The following ACSM3 variants were observed in gnomAD, a reference collection of about 807,000 sequenced individuals.
The protein encoded by ACSM3 is acyl-CoA synthetase medium chain family member 3.
A neutral mutation model predicts 74.1 loss-of-function variants in ACSM3; 61 were observed. The observed-to-expected ratio is 0.82, with a 90% CI of 0.67 to 1.02. The LOEUF (loss-of-function observed/expected upper bound fraction) is 1.02, where lower values mean the gene tolerates loss of function less well. Among genes scored for constraint, ACSM3 ranks in the 50% least tolerant of loss-of-function variants. The pLI is 0.00. For synonymous variants in ACSM3, 213 were observed against 241.5 expected (o/e 0.88, Z 1.09); for missense variants, 660 against 697.0 (o/e 0.95, Z 0.60).
chr16:20,696,742 C>G (rs2079691904), intron 1 of ACSM3, among the ~76,000 whole-genome samples: 1 of 152,222 alleles, frequency 6.6e-6, no homozygotes, highest in Non-Finnish European at 1.5e-5. Context: ...TTCCCAGATA[C>G]ATAGTGCCTT....
rs144068903 is a variant in ACSM3, at chr16:20,765,304, G to A, written c.-52+1179G>A. 1.4e-3 allele frequency among the ~76,000 whole-genome samples: 206 copies of A among 152,282 alleles called. 1 individual carries two copies. Among genetic ancestry groups the A allele is most frequent in the African/African-American group, 4.7e-3 (197 of 41,552 alleles). ...ATAGAAGTTGTAAAATGCTAAGATC[G>A]ATGAAAAGGGAGGAAAAGAACTTTG... On this transcript the variant is annotated intron_variant, in intron 1 of 13. Coordinates refer to ENST00000289416, the MANE Select transcript of ACSM3 (RefSeq NM_005622.4).
At chr16:20,736,637 C>A in intron 1 of ACSM3, 1 of 442,704 alleles carries the variant, frequency 2.3e-6, no homozygotes, top group South Asian at 4.1e-5. Flanking sequence ...GCCAACATCC[C>A]CCTCCTATCC....
At chr16:20,766,185 A>AT (rs1336590924) in intron 1 of ACSM3, among the ~76,000 whole-genome samples, 1 of 152,138 alleles carries the variant, frequency 6.6e-6, no homozygotes, top group Admixed American at 6.6e-5. Context: ...AATACTATTC[A>AT]TTTTTACATC....
chr16:20,711,618 G>T, intron 1 of ACSM3: 1 of 1,061,788 alleles, frequency 9.4e-7, no homozygotes, highest in Admixed American at 2.0e-5. Context: ...CTGACTTTAA[G>T]ACCAAACTCC....
intron 2 of ACSM3, among the ~76,000 whole-genome samples, chr16:20,752,365 C>T (rs912332867): frequency 5.3e-5 from 8 of 152,252 alleles, no homozygotes; most frequent in Non-Finnish European, 7.4e-5. Context: ...ACTTCTGCTC[C>T]GTATAAGGAA....
Position 20,785,040 on chromosome 16 carries a change from A to C in ACSM3, c.1076A>C (p.Asp359Ala). Residue 359 changes from aspartate to alanine, a missense_variant, in exon 8 of 14, where the codon GAC becomes GCC. By Grantham distance (126) the Asp-to-Ala change is moderately radical. Coordinates refer to ENST00000289416, the MANE Select transcript of ACSM3 (RefSeq NM_005622.4). ...AGTGCTGGGGAACCAATTACCCCTG[A>C]CGTGACTGAAAAATGGAGAAACAAG... is the stretch of plus-strand genomic sequence containing the variant. ...CVSAGEPITP[D>A]VTEKWRNKTG... 1 of 1,613,806 alleles carries C rather than the reference A, an allele frequency of 6.2e-7. No homozygotes were observed. The highest frequency in any genetic ancestry group is 8.5e-7 in the Non-Finnish European group (1 of 1,179,778).
chr16:20,774,448 G>A (rs916321278), intron 2 of ACSM3, among the ~76,000 whole-genome samples: 8 of 152,046 alleles, frequency 5.3e-5, no homozygotes, highest in African/African-American at 1.2e-4. Flanking sequence ...TCCCCATGTT[G>A]GCCAGGATGG....
chr16:20,697,951 T>A (rs1238763387), intron 1 of ACSM3, among the ~76,000 whole-genome samples: 1 of 151,868 alleles, frequency 6.6e-6, no homozygotes, highest in East Asian at 1.9e-4. Context: ...TCCCAGCACA[T>A]TGGGAGGCCG....
At chr16:20,754,052 G>T (rs1290142837) in intron 2 of ACSM3, among the ~76,000 whole-genome samples, 1 of 152,170 alleles carries the variant, frequency 6.6e-6, no homozygotes, top group Non-Finnish European at 1.5e-5. Flanking sequence ...TAGGACCTTG[G>T]ACAATTTTTC....
intron 2 of ACSM3, among the ~76,000 whole-genome samples, chr16:20,772,412 A>C (rs1596513322): frequency 6.8e-6 from 1 of 148,108 alleles, no homozygotes; most frequent in African/African-American, 2.5e-5. Context: ...ATTAAAATTA[A>C]AATAAAAAAT....
intron 1 of ACSM3, among the ~76,000 whole-genome samples, chr16:20,698,662 C>G (rs1340349746): frequency 3.3e-5 from 5 of 152,110 alleles, no homozygotes; most frequent in Admixed American, 1.3e-4. Context: ...GTGCCCGCCA[C>G]CACACCCAGT....
Position 20,797,363 on chromosome 16 carries a change from T to C in ACSM3, c.*391T>C, listed in dbSNP as rs1443749921. 7 of 991,630 alleles carry C rather than the reference T, an allele frequency of 7.1e-6. No individual in the cohort carries two copies. Among genetic ancestry groups the C allele is most frequent in the African/African-American group, 3.5e-5 (2 of 57,952 alleles). 61.4% of individuals were successfully genotyped at this position (991,630 alleles called of 1,614,324 possible). A position where few individuals can be genotyped will look rare whatever the true frequency, so the allele number is the denominator to read the frequency against. ...GCCTGAAATAAAACTAAAGAACTTA[T>C]AAAAGTTTTTAGAAAAATATAAAAT... On this transcript the variant is annotated 3_prime_UTR_variant, in exon 14 of 14. Transcript: ENST00000289416.
intron 1 of ACSM3, chr16:20,736,678 T>G: frequency 1.7e-6 from 1 of 573,386 alleles, no homozygotes; most frequent in South Asian, 2.4e-5. Context: ...CACATGGGTC[T>G]GCCTCTACGT....
intron 1 of ACSM3, chr16:20,734,209 T>C (rs950921481): frequency 5.0e-4 from 77 of 152,594 alleles, no homozygotes; most frequent in Non-Finnish European, 1.9e-4. Context: ...TTCCACAGAG[T>C]TGTATGCTCT....
intron 1 of ACSM3, among the ~76,000 whole-genome samples, chr16:20,745,152 T>C (rs925352987): frequency 6.6e-6 from 1 of 152,214 alleles, no homozygotes; most frequent in Admixed American, 6.5e-5. Context: ...TGTTCTTTTT[T>C]GCTTATTCTT....
At chr16:20,789,998 T>G (rs2152484162) in intron 9 of ACSM3, among the ~76,000 whole-genome samples, 1 of 152,228 alleles carries the variant, frequency 6.6e-6, no homozygotes, top group East Asian at 1.9e-4. Context: ...TCGATTTATC[T>G]ATATTGTCTC....
intron 1 of ACSM3, among the ~76,000 whole-genome samples, chr16:20,678,484 G>T (rs1372523549): frequency 6.6e-6 from 1 of 152,224 alleles, no homozygotes; most frequent in African/African-American, 2.4e-5. Context: ...AACTGCTTAT[G>T]AACTTCACCG....
In ACSM3 at chr16:20,776,021, G is replaced by T. The variant is rs1306422699; in HGVS notation, c.402G>T (p.Trp134Cys). 6.2e-7 allele frequency: 1 copy of T among 1,614,048 alleles called. No homozygotes were observed. Among genetic ancestry groups the T allele is most frequent in the Non-Finnish European group, 8.5e-7 (1 of 1,180,022 alleles). Residue 134 changes from tryptophan (W) to cysteine (C), a missense_variant, in exon 3 of 14, where the codon TGG (tryptophan) becomes TGT (cysteine). Transcript: ENST00000289416. ...TTCTGCCCAGGGTCCCAGAGTGGTG[G>T]CTTGCAAATGTGGCCTGTCTGCGAA... ...ILILPRVPEW[W>C]LANVACLRTG... is the part of the protein sequence containing the mutation.
chr16:20,702,648 A>T (rs2079716823), intron 1 of ACSM3, among the ~76,000 whole-genome samples: 1 of 152,084 alleles, frequency 6.6e-6, no homozygotes, highest in Non-Finnish European at 1.5e-5. Context: ...TGCCTATTTT[A>T]TGATGGGGTT....
Sources: gnomAD v4.1 joint callset for allele counts (sites outside exome capture counted in the v4.1 genomes callset) on GRCh38, gnomAD v4.1.1 for gene constraint, MANE v1.5 for transcripts, NCBI Gene and HGNC (gene_info 2026-07-23, HGNC 2026-07-21) for gene names.